The following CAMK2D variants were observed in gnomAD, a reference collection of about 807,000 sequenced individuals.
CAMK2D encodes calcium/calmodulin-dependent protein kinase type II subunit delta.
CAMK2D carries 37 observed loss-of-function variants against 84.0 expected under a neutral mutation model. That is an observed-to-expected ratio of 0.44 (90% CI 0.34 to 0.58). CAMK2D has a LOEUF of 0.58. Ranked by LOEUF, CAMK2D falls within the 20% of genes least tolerant of loss-of-function variation. The pLI is 0.02. For missense variants in CAMK2D, 448 were observed against 652.5 expected (o/e 0.69, Z 3.41); for synonymous variants, 202 against 212.5 (o/e 0.95, Z 0.43).
chr4:113,539,660 C>T (rs2098516994), intron 6 of CAMK2D, among the ~76,000 whole-genome samples: 1 of 152,140 alleles, frequency 6.6e-6, no homozygotes, highest in South Asian at 2.1e-4. Context: ...GTGAGTCATC[C>T]AGAAAATAGT....
intron 2 of CAMK2D, among the ~76,000 whole-genome samples, chr4:113,686,138 A>G (rs943267959): frequency 6.6e-6 from 1 of 152,174 alleles, no homozygotes; most frequent in Admixed American, 6.5e-5. Context: ...ACTTGATTCT[A>G]AGCAAGATAT....
At chr4:113,728,146 A>G (rs1016817744) in intron 2 of CAMK2D, among the ~76,000 whole-genome samples, 1 of 152,130 alleles carries the variant, frequency 6.6e-6, no homozygotes, top group African/African-American at 2.4e-5. Flanking sequence ...ACAATCCATC[A>G]ATTCTACTCC....
chr4:113,545,617 C>A (rs1344263994), intron 6 of CAMK2D, among the ~76,000 whole-genome samples: 2 of 152,114 alleles, frequency 1.3e-5, no homozygotes, highest in South Asian at 2.1e-4. Context: ...AGAGGTTCAT[C>A]AACTGCCTCT....
At chr4:113,602,949 A>G (rs1290873969) in intron 4 of CAMK2D, among the ~76,000 whole-genome samples, 1 of 152,178 alleles carries the variant, frequency 6.6e-6, no homozygotes, top group Non-Finnish European at 1.5e-5. Flanking sequence ...AGCCCTAGAA[A>G]TGAACTTGAT....
chr4:113,619,225 A>G (rs935624973), intron 3 of CAMK2D, among the ~76,000 whole-genome samples: 1 of 85,214 alleles, frequency 1.2e-5, no homozygotes, highest in South Asian at 3.9e-4. Flanking sequence ...TGGAATATAC[A>G]TACATATATA....
intron 2 of CAMK2D, among the ~76,000 whole-genome samples, chr4:113,672,814 C>A (rs1056366736): frequency 6.6e-6 from 1 of 151,638 alleles, no homozygotes; most frequent in Non-Finnish European, 1.5e-5. Context: ...AATGCAGCCA[C>A]CTAAATGAAA....
At chr4:113,539,083 T>A (rs2098512686) in intron 6 of CAMK2D, among the ~76,000 whole-genome samples, 1 of 152,178 alleles carries the variant, frequency 6.6e-6, no homozygotes, top group African/African-American at 2.4e-5. Flanking sequence ...ACTTTATCAA[T>A]ATACTATAGT....
At chr4:113,688,684 G>A (rs2154339556) in intron 2 of CAMK2D, among the ~76,000 whole-genome samples, 1 of 152,022 alleles carries the variant, frequency 6.6e-6, no homozygotes. Context: ...CTTCATCCCT[G>A]CATTCAGTCA....
chr4:113,520,825 C>T (rs553796337), intron 8 of CAMK2D, among the ~76,000 whole-genome samples: 4 of 152,188 alleles, frequency 2.6e-5, no homozygotes, highest in Admixed American at 2.6e-4. Flanking sequence ...CCCAGGAGTT[C>T]AAGATTAGCC....
At chr4:113,639,264 G>T (rs1448097220) in intron 3 of CAMK2D, among the ~76,000 whole-genome samples, 4 of 151,086 alleles carry the variant, frequency 2.6e-5, no homozygotes, top group African/African-American at 7.3e-5. Context: ...ATAAAAAGAA[G>T]GAAAAAGAAA....
intron 16 of CAMK2D, among the ~76,000 whole-genome samples, chr4:113,485,471 C>G (rs1388578303): frequency 6.6e-6 from 1 of 152,202 alleles, no homozygotes; most frequent in Non-Finnish European, 1.5e-5. Flanking sequence ...CAAACTTGAT[C>G]TAGACTCATT....
intron 2 of CAMK2D, among the ~76,000 whole-genome samples, chr4:113,722,915 G>A (rs1395239601): frequency 6.6e-6 from 1 of 152,146 alleles, no homozygotes; most frequent in Non-Finnish European, 1.5e-5. Context: ...GAGAGAGAGA[G>A]AGAAGGTCAC....
chr4:113,494,818 C>T (rs892373049), intron 16 of CAMK2D, among the ~76,000 whole-genome samples: 2 of 152,236 alleles, frequency 1.3e-5, no homozygotes, highest in African/African-American at 4.8e-5. Flanking sequence ...ACCCTCCGAG[C>T]CAGGTGCGGG....
intron 2 of CAMK2D, among the ~76,000 whole-genome samples, chr4:113,690,887 T>C (rs767818760): frequency 2.6e-5 from 4 of 152,224 alleles, no homozygotes; most frequent in Non-Finnish European, 4.4e-5. Context: ...CTTCTCTTTC[T>C]GAACACTTCT....
intron 4 of CAMK2D, among the ~76,000 whole-genome samples, chr4:113,590,749 CA>C (rs5861142): frequency 0.66 from 99,821 of 151,882 alleles, 33,436 homozygotes; most frequent in Middle Eastern, 0.73. Flanking sequence ...TTCTTTAAAA[CA>C]AAAGTAACAT....
rs1000858439 is a variant in CAMK2D at position 113,453,367 on chromosome 4, C to A, written c.*1178G>T. On this transcript the variant is annotated 3_prime_UTR_variant, in exon 21 of 21. Transcript: ENST00000511664. The stretch of plus-strand genomic sequence containing the variant: ...TCATTCCCCAAGGCGGAGGTGAGTG[C>A]GTTTGCATAAAACCCCCTCTGCTAT... The A allele has an allele frequency of 6.6e-6, 1 of 152,112 alleles. No homozygotes were observed. Among genetic ancestry groups the A allele is most frequent in the African/African-American group, 2.4e-5 (1 of 41,414 alleles). The allele number at this position is 152,112 out of a possible 1,614,324, so 9.4% of individuals were successfully genotyped here. A position where few individuals can be genotyped will look rare whatever the true frequency, so the allele number is the denominator to read the frequency against.
At chr4:113,593,266 A>G (rs1170181508) in intron 4 of CAMK2D, among the ~76,000 whole-genome samples, 1 of 152,206 alleles carries the variant, frequency 6.6e-6, no homozygotes, top group Non-Finnish European at 1.5e-5. Flanking sequence ...TACTGAACAA[A>G]CTGACAAATT....
At chr4:113,565,415 C>A (rs1044729436) in intron 4 of CAMK2D, among the ~76,000 whole-genome samples, 4 of 152,108 alleles carry the variant, frequency 2.6e-5, no homozygotes, top group African/African-American at 9.7e-5. Context: ...CTTTGGGAGG[C>A]CAAGGCGGGT....
At chr4:113,596,344 T>C (rs1364994789) in intron 4 of CAMK2D, among the ~76,000 whole-genome samples, 2 of 152,164 alleles carry the variant, frequency 1.3e-5, no homozygotes, top group East Asian at 1.9e-4. Flanking sequence ...TCTTCCAAAC[T>C]CCTGTTAATG....
Sources: allele counts gnomAD v4.1 joint callset (sites outside exome capture counted in the v4.1 genomes callset), GRCh38; gene constraint gnomAD v4.1.1; transcripts MANE v1.5; gene names NCBI Gene and HGNC (gene_info 2026-07-23, HGNC 2026-07-21).